APOO: variants seen among roughly 807,000 people sequenced by gnomAD.
The protein encoded by APOO is MICOS complex subunit MIC26.
Under a neutral mutation model 23.1 loss-of-function variants are expected in APOO, and 11 were observed. The observed-to-expected ratio is 0.48, with a 90% confidence interval of 0.30 to 0.79. The LOEUF (loss-of-function observed/expected upper bound fraction) is 0.79, where lower values mean the gene tolerates loss of function less well. Ranked by LOEUF, APOO falls within the 30% of genes least tolerant of loss-of-function variation. APOO has a pLI of 0.07. For missense variants in APOO, 160 were observed against 142.7 expected (o/e 1.12, Z -0.62); for synonymous variants, 59 against 54.8 (o/e 1.08, Z -0.34).
At chrX:23,862,746 C>A (rs1232211225) in intron 5 of APOO, among the ~76,000 whole-genome samples, 1 of 101,917 alleles carries the variant, frequency 9.8e-6, no homozygotes, top group Non-Finnish European at 2.0e-5. Flanking sequence ...TGCACTACAA[C>A]CTGGGTGACA....
chrX:23,848,353 G>A, intron 7 of APOO, among the ~76,000 whole-genome samples: 1 of 109,885 alleles, frequency 9.1e-6, no homozygotes, highest in South Asian at 3.8e-4. Flanking sequence ...TAGTAGAGAC[G>A]GGGTTTCACC....
intron 1 of APOO, chrX:23,883,506 C>T (rs1394278843): frequency 9.0e-6 from 1 of 111,566 alleles, no homozygotes; most frequent in Non-Finnish European, 1.9e-5. Flanking sequence ...CTCCATACCC[C>T]TTCTGGCTCC....
chrX:23,836,625 C>CT (rs1168904773), intron 8 of APOO: 52,809 of 535,877 alleles, frequency 0.099, 1,357 homozygotes, highest in East Asian at 0.29. Context: ...AGCCTAATTT[C>CT]TTTTTTTTTT....
At chrX:23,856,704 G>A (rs1924801213) in intron 6 of APOO, among the ~76,000 whole-genome samples, 1 of 111,835 alleles carries the variant, frequency 8.9e-6, no homozygotes, top group Non-Finnish European at 1.9e-5. Flanking sequence ...ACAGGCATGT[G>A]CCACCACACC....
intron 1 of APOO, chrX:23,883,222 T>C (rs989617902): frequency 4.5e-5 from 5 of 111,523 alleles, no homozygotes; most frequent in African/African-American, 1.6e-4. Context: ...TCTGTTTTTG[T>C]GCCCAAATAT....
chrX:23,873,282 G>C (rs932771252), intron 4 of APOO, among the ~76,000 whole-genome samples: 1 of 110,937 alleles, frequency 9.0e-6, no homozygotes, highest in Non-Finnish European at 1.9e-5. Context: ...ATAAAATTAA[G>C]ATGTTACTTA....
intron 1 of APOO, among the ~76,000 whole-genome samples, chrX:23,897,715 T>C (rs1343338576): frequency 8.9e-6 from 1 of 111,794 alleles, no homozygotes; most frequent in Non-Finnish European, 1.9e-5. Flanking sequence ...GGGCAGGGCA[T>C]GCTGGCTCAT....
At chrX:23,884,565 A>C (rs892930451) in intron 1 of APOO, among the ~76,000 whole-genome samples, 4 of 112,056 alleles carry the variant, frequency 3.6e-5, no homozygotes, top group African/African-American at 1.3e-4. Context: ...ACTACCTCAC[A>C]AATTAATTTT....
At chrX:23,868,731 A>C in intron 4 of APOO, 43 bp from the exon 5 acceptor site, 25 of 1,077,510 alleles carry the variant, frequency 2.3e-5, no homozygotes, top group African/African-American at 3.7e-5. Flanking sequence ...TAAATTTCTC[A>C]TTAAAAAACA....
At chrX:23,889,763 T>C (rs191019935) in intron 1 of APOO, among the ~76,000 whole-genome samples, 4,131 of 105,471 alleles carry the variant, frequency 0.039, 159 homozygotes, top group African/African-American at 0.11. Flanking sequence ...CCTGGGTTCA[T>C]GCCATTCTCC....
chrX:23,856,974 T>C (rs1207272741), intron 6 of APOO, among the ~76,000 whole-genome samples: 1 of 111,948 alleles, frequency 8.9e-6, no homozygotes, highest in Non-Finnish European at 1.9e-5. Flanking sequence ...TTATCTTAAG[T>C]GAACTAACAT....
At chrX:23,905,824 G>A (rs1927329318) in intron 1 of APOO, among the ~76,000 whole-genome samples, 1 of 112,632 alleles carries the variant, frequency 8.9e-6, no homozygotes, top group South Asian at 3.6e-4. Flanking sequence ...TTCTGAAGTA[G>A]TAATGAGCAT....
At chrX:23,897,395 T>C (rs1261613956) in intron 1 of APOO, among the ~76,000 whole-genome samples, 7 of 112,258 alleles carry the variant, frequency 6.2e-5, no homozygotes, top group Non-Finnish European at 1.3e-4. Context: ...AGTTGGGCTA[T>C]ACTGGTTTTA....
In APOO at chrX:23,876,417, T is replaced by C. The variant is rs1472345398; in HGVS notation, c.238-1960A>G. On this transcript the variant is annotated intron_variant, in intron 3 of 8. Transcript: ENST00000379226. ...GGGCAACATGGTGAAACCTTGTCTCTACCAAAAAAAAAAAAAAAAAAGAAA... is the reference window on the plus strand; with the variant it reads ...GGGCAACATGGTGAAACCTTGTCTCCACCAAAAAAAAAAAAAAAAAAGAAA... Among the ~76,000 whole-genome samples the C allele has an allele frequency of 4.8e-5, 4 of 82,614 alleles. No individual in the cohort carries two copies. The Admixed American group carries it at 5.9e-4, about 12-fold the overall frequency. The allele number at this position is 82,614 out of a possible 115,157, so 71.7% of individuals were successfully genotyped here.
chrX:23,891,729 T>C (rs1926662201), intron 1 of APOO, among the ~76,000 whole-genome samples: 1 of 110,759 alleles, frequency 9.0e-6, no homozygotes, highest in African/African-American at 3.3e-5. Context: ...GAATATATTA[T>C]TTCTATTTTC....
Position 23,878,989 on chromosome X carries a change from C to G in APOO, c.163G>C (p.Glu55Gln). Residue 55 changes from glutamate (E) to glutamine (Q), a missense_variant, in exon 3 of 9, where the codon GAG becomes CAG. Coordinates refer to ENST00000379226, the MANE Select transcript of APOO (RefSeq NM_024122.5). ...CTTTCTTCAAGCTGGCTCCTTGCCT[C>G]CTCCACATACTTCGATTGACCCTCA... ...VPEGQSKYVE[E>Q]ARSQLEESIS... 1 of 1,211,512 alleles carries G rather than the reference C, an allele frequency of 8.3e-7. No homozygotes were observed. Among genetic ancestry groups the G allele is most frequent in the Non-Finnish European group, 1.1e-6 (1 of 895,172 alleles).
chrX:23,847,778 G>A (rs1233030585), intron 7 of APOO, among the ~76,000 whole-genome samples: 4 of 106,516 alleles, frequency 3.8e-5, no homozygotes, highest in Non-Finnish European at 7.7e-5. Context: ...GATTACAGGT[G>A]TGAGCCATTG....
chrX:23,849,609 A>AAAAAAAAAAAAAAAAAAAAAAAAAAAAG (rs1311653969), intron 7 of APOO, among the ~76,000 whole-genome samples: 1 of 94,477 alleles, frequency 1.1e-5, no homozygotes, highest in Non-Finnish European at 2.0e-5. Context: ...AAAAAAAAAA[A>AAAAAAAAAAAAAAAAAAAAAAAAAAAAG]GTTCGGGCAT....
At chrX:23,858,938 A>G (rs1472319041) in intron 5 of APOO, among the ~76,000 whole-genome samples, 1 of 111,418 alleles carries the variant, frequency 9.0e-6, no homozygotes, top group African/African-American at 3.3e-5. Context: ...CTGTCTCTAC[A>G]AAGATTAAAA....
Sources: gnomAD v4.1 joint callset for allele counts (sites outside exome capture counted in the v4.1 genomes callset) on GRCh38, gnomAD v4.1.1 for gene constraint, MANE v1.5 for transcripts, NCBI Gene and HGNC (gene_info 2026-07-23, HGNC 2026-07-21) for gene names.